Variants in FAM227B observed in about 807,000 individuals in gnomAD.
FAM227B encodes family with sequence similarity 227 member B.
In FAM227B, 88 loss-of-function variants were observed where a neutral mutation model predicts 73.8. The ratio of observed to expected loss-of-function variants is 1.19; its 90% confidence interval spans 1.00 to 1.42. The LOEUF is 1.42. FAM227B is among the 40% of genes most tolerant of loss of function. The pLI is 0.00. For synonymous variants in FAM227B, 210 were observed against 190.5 expected (o/e 1.10, Z -0.84); for missense variants, 632 against 590.9 (o/e 1.07, Z -0.72).
intron 11 of FAM227B, among the ~76,000 whole-genome samples, chr15:49,417,129 C>T (rs2049271771): frequency 6.6e-6 from 1 of 152,132 alleles, no homozygotes; most frequent in Non-Finnish European, 1.5e-5. Context: ...CAGTTGCTCA[C>T]ACCTGCAATC....
intron 11 of FAM227B, among the ~76,000 whole-genome samples, chr15:49,500,091 T>C (rs1015621787): frequency 2.0e-5 from 3 of 152,238 alleles, no homozygotes; most frequent in Non-Finnish European, 2.9e-5. Flanking sequence ...TTGTAAAATA[T>C]GTATCTGAAA....
At chr15:49,469,544 A>G (rs1476413061) in intron 11 of FAM227B, among the ~76,000 whole-genome samples, 1 of 152,082 alleles carries the variant, frequency 6.6e-6, no homozygotes, top group Non-Finnish European at 1.5e-5. Flanking sequence ...TTCTGTAGTC[A>G]AGGCCAAAAC....
chr15:49,475,594 ATTAT>A (rs1188586648), intron 11 of FAM227B, among the ~76,000 whole-genome samples: 22 of 145,176 alleles, frequency 1.5e-4, no homozygotes, highest in Non-Finnish European at 1.5e-5. Flanking sequence ...TGCTAACTTT[ATTAT>A]TTATTAAATT....
At chr15:49,564,495 C>T (rs145743450) in intron 9 of FAM227B, among the ~76,000 whole-genome samples, 1 of 152,242 alleles carries the variant, frequency 6.6e-6, no homozygotes, top group African/African-American at 2.4e-5. Flanking sequence ...GGCGTGTTTA[C>T]CCAAAGGAAA....
chr15:49,484,511 A>T lies in FAM227B; in HGVS notation c.1012+23700T>A, dbSNP rs748042155. On this transcript the variant is annotated intron_variant, in intron 11 of 15. Coordinates refer to ENST00000299338, the MANE Select transcript of FAM227B (RefSeq NM_152647.3). ...TCCTATGGCAATAACTTAATTGCAT[A>T]TGGTATATAAAGAACCAGTTCCAGC... is the stretch of plus-strand genomic sequence containing the variant. 4.2e-6 allele frequency: 6 copies of T among 1,424,618 alleles called. No individual in the cohort carries two copies. In the Admixed American group the frequency reaches 1.3e-4, roughly 31 times the overall value. The allele number at this position is 1,424,618 out of a possible 1,614,324, so 88.2% of individuals were successfully genotyped here.
intron 15 of FAM227B, chr15:49,330,476 A>G (rs2038461670): frequency 6.6e-6 from 1 of 152,158 alleles, no homozygotes; most frequent in Admixed American, 6.5e-5. Flanking sequence ...GAGTGGTGGA[A>G]TATCTGATAC....
chr15:49,578,412 C>G (rs1598350262), intron 5 of FAM227B, among the ~76,000 whole-genome samples: 1 of 152,038 alleles, frequency 6.6e-6, no homozygotes, highest in East Asian at 1.9e-4. Flanking sequence ...ATCATCTAGT[C>G]ATGTTTAAAT....
At chr15:49,602,471 C>T (rs79215834) in intron 3 of FAM227B, among the ~76,000 whole-genome samples, 2,638 of 152,208 alleles carry the variant, frequency 0.017, 87 homozygotes, top group African/African-American at 0.061. Flanking sequence ...TCAAATATTT[C>T]GCCCATTTGT....
intron 11 of FAM227B, among the ~76,000 whole-genome samples, chr15:49,440,001 A>G (rs1183723896): frequency 6.6e-6 from 1 of 151,768 alleles, no homozygotes; most frequent in African/African-American, 2.4e-5. Context: ...CACATTATCA[A>G]AAGTATCTGT....
chr15:49,401,298 G>A (rs1273742525), intron 11 of FAM227B, among the ~76,000 whole-genome samples: 14 of 152,262 alleles, frequency 9.2e-5, no homozygotes, highest in African/African-American at 3.4e-4. Flanking sequence ...AAACCACAAT[G>A]TGATACCATT....
intron 3 of FAM227B, among the ~76,000 whole-genome samples, chr15:49,601,041 C>CAA (rs1215100007): frequency 7.3e-4 from 66 of 90,836 alleles, no homozygotes; most frequent in Non-Finnish European, 1.0e-3. Flanking sequence ...GACTCTGTCT[C>CAA]AAAAAAAAAA....
chr15:49,348,969 C>T (rs969343258), intron 13 of FAM227B, among the ~76,000 whole-genome samples: 3 of 152,104 alleles, frequency 2.0e-5, no homozygotes, highest in African/African-American at 7.2e-5. Context: ...CTTATTCTTC[C>T]GTTGAGTCAT....
At chr15:49,404,889 A>G (rs2048412983) in intron 11 of FAM227B, among the ~76,000 whole-genome samples, 1 of 151,996 alleles carries the variant, frequency 6.6e-6, no homozygotes, top group Admixed American at 6.6e-5. Flanking sequence ...GTGGCTGGCA[A>G]TGGTTTTTCC....
intron 11 of FAM227B, among the ~76,000 whole-genome samples, chr15:49,462,212 A>G (rs541525000): frequency 6.4e-4 from 97 of 152,330 alleles, no homozygotes; most frequent in Non-Finnish European, 1.2e-3. Context: ...TGGGATGAAA[A>G]AAAGATTGAT....
At chr15:49,464,932 C>T (rs2151943345) in intron 11 of FAM227B, among the ~76,000 whole-genome samples, 1 of 152,244 alleles carries the variant, frequency 6.6e-6, no homozygotes, top group East Asian at 1.9e-4. Context: ...TTTTGGCTAT[C>T]ATCTAGAATA....
chr15:49,535,311 G>GA (rs1396337728), intron 10 of FAM227B, among the ~76,000 whole-genome samples: 1 of 151,458 alleles, frequency 6.6e-6, no homozygotes, highest in African/African-American at 2.4e-5. Context: ...CCATCAAATT[G>GA]AAAAAACCTA....
At chr15:49,546,741 G>T (rs1180238540) in intron 9 of FAM227B, among the ~76,000 whole-genome samples, 4 of 76,012 alleles carry the variant, frequency 5.3e-5, no homozygotes, top group Admixed American at 1.7e-4. Context: ...AGAGGAAAAA[G>T]AATAAAAAGA....
intron 11 of FAM227B, among the ~76,000 whole-genome samples, chr15:49,471,309 A>G (rs2151965966): frequency 6.6e-6 from 1 of 151,546 alleles, no homozygotes; most frequent in Admixed American, 6.6e-5. Context: ...ACATGGCAAA[A>G]CCCCTCCTCT....
intron 11 of FAM227B, chr15:49,424,373 G>A: frequency 6.2e-7 from 1 of 1,613,528 alleles, no homozygotes; most frequent in Non-Finnish European, 8.5e-7. Flanking sequence ...CTGTCTAGTG[G>A]GTACTATATC....
Sources: gnomAD v4.1 joint callset for allele counts (sites outside exome capture counted in the v4.1 genomes callset) on GRCh38, gnomAD v4.1.1 for gene constraint, MANE v1.5 for transcripts, NCBI Gene and HGNC (gene_info 2026-07-23, HGNC 2026-07-21) for gene names.